Variants in DNAH3 observed in about 807,000 individuals in gnomAD.
The protein encoded by DNAH3 is dynein axonemal heavy chain 3.
A neutral mutation model predicts 432.5 loss-of-function variants in DNAH3; 332 were observed. The observed-to-expected ratio is 0.77, with a 90% CI of 0.70 to 0.84. The LOEUF is 0.84. Ranked by LOEUF, DNAH3 falls within the 40% of genes least tolerant of loss-of-function variation. The pLI, the probability that DNAH3 is intolerant of heterozygous loss-of-function variation, is 0.00. For missense variants in DNAH3, 4,861 were observed against 5,114.0 expected (o/e 0.95, Z 1.51); for synonymous variants, 1,956 against 1,900.2 (o/e 1.03, Z -0.76).
chr16:20,967,091 G>A (rs2085098389), intron 52 of DNAH3, among the ~76,000 whole-genome samples: 1 of 152,170 alleles, frequency 6.6e-6, no homozygotes, highest in Non-Finnish European at 1.5e-5. Context: ...ATTGAGTACA[G>A]CAGGTCAAAT....
chr16:20,989,906 G>A (rs897607865), intron 44 of DNAH3, among the ~76,000 whole-genome samples: 2 of 152,180 alleles, frequency 1.3e-5, no homozygotes, highest in Non-Finnish European at 1.5e-5. Context: ...TCATTGCCCG[G>A]GGCCGGCAGG....
At chr16:21,135,609 C>T (rs184028509) in intron 6 of DNAH3, among the ~76,000 whole-genome samples, 4 of 152,150 alleles carry the variant, frequency 2.6e-5, no homozygotes, top group African/African-American at 4.8e-5. Flanking sequence ...AGGAGAATTG[C>T]GTGAACCCAG....
chr16:21,100,702 C>T (rs1394675244), intron 16 of DNAH3, among the ~76,000 whole-genome samples: 1 of 152,154 alleles, frequency 6.6e-6, no homozygotes, highest in African/African-American at 2.4e-5. Context: ...TCCAGAACCA[C>T]GGAACCTACC....
At chr16:21,154,643 A>G (rs1399664664) in intron 1 of DNAH3, among the ~76,000 whole-genome samples, 1 of 152,194 alleles carries the variant, frequency 6.6e-6, no homozygotes, top group Non-Finnish European at 1.5e-5. Flanking sequence ...GAATATAAAT[A>G]TCAGTATTTT....
chr16:20,988,147 T>C (rs1455169633), intron 44 of DNAH3, 82 bp from the exon 45 acceptor site: 12 of 1,563,412 alleles, frequency 7.7e-6, no homozygotes, highest in Admixed American at 3.5e-5. Flanking sequence ...GCACACGAGG[T>C]GGCTTTGCCT....
At chr16:21,117,980 GTTTT>G (rs58911431) in intron 11 of DNAH3, among the ~76,000 whole-genome samples, 12 of 151,060 alleles carry the variant, frequency 7.9e-5, no homozygotes, top group Non-Finnish European at 1.6e-4. Flanking sequence ...TCTCTCGTGG[GTTTT>G]TTTTTGTTTT....
Position 21,031,163 on chromosome 16 carries a change from T to C in DNAH3, c.5321A>G (p.Asn1774Ser), listed in dbSNP as rs758723153. ...TGAAGACGCTTGCTCCCGGAAAGCATTGGCAAGGACACCATCCATCCACTC... is the reference window on the plus strand; with the variant it reads ...TGAAGACGCTTGCTCCCGGAAAGCACTGGCAAGGACACCATCCATCCACTC... The change falls in exon 37 of 62, where the codon AAT becomes AGT. Residue 1774 changes from asparagine to serine, a missense_variant. Physicochemically the swap from Asn to Ser is conservative, Grantham distance 46. Coordinates refer to ENST00000261383, the Ensembl canonical transcript of DNAH3. 58 of 1,613,994 alleles carry C rather than the reference T, an allele frequency of 3.6e-5. No homozygotes were observed. The highest frequency in any genetic ancestry group is 8.9e-5 in the East Asian group (4 of 44,888).
At chr16:21,101,047 TC>T (rs1328146042) in intron 16 of DNAH3, among the ~76,000 whole-genome samples, 1 of 152,168 alleles carries the variant, frequency 6.6e-6, no homozygotes, top group Non-Finnish European at 1.5e-5. Context: ...TGGGGTTACA[TC>T]CCTATAAACC....
exon 1 of DNAH3, chr16:21,159,325 C>T: frequency 6.2e-6 from 10 of 1,613,814 alleles, no homozygotes; most frequent in Non-Finnish European, 5.1e-6. Flanking sequence ...CCCTCTCCAC[C>T]TGCATTTCAC....
At chr16:20,979,532 C>T in exon 50 of DNAH3, 2 of 1,614,042 alleles carry the variant, frequency 1.2e-6, no homozygotes, top group Non-Finnish European at 1.7e-6. Flanking sequence ...GAAATATTTG[C>T]ACATGGACAC....
chr16:21,141,519 C>T, intron 3 of DNAH3, 147 bp from the exon 5 acceptor site: 1 of 609,880 alleles, frequency 1.6e-6, no homozygotes, highest in Admixed American at 3.0e-5. Flanking sequence ...GATGTGGGCT[C>T]AGGTCTCATG....
At chr16:20,963,596 G>A (rs1175035811) in exon 53 of DNAH3, 1 of 1,614,012 alleles carries the variant, frequency 6.2e-7, no homozygotes, top group South Asian at 1.1e-5. Context: ...TGCAGTTTGG[G>A]TAAGGCAGAT....
intron 11 of DNAH3, among the ~76,000 whole-genome samples, 197 bp from the exon 12 acceptor site, chr16:21,117,536 C>T (rs1339865009): frequency 1.3e-5 from 2 of 152,146 alleles, no homozygotes; most frequent in Non-Finnish European, 2.9e-5. Context: ...GCCTGGATTA[C>T]TCATCTTTCA....
intron 31 of DNAH3, among the ~76,000 whole-genome samples, chr16:21,048,978 G>C (rs2089839728): frequency 6.6e-6 from 1 of 151,614 alleles, no homozygotes; most frequent in South Asian, 2.1e-4. Context: ...ACAGGTGTGA[G>C]CCACCGCGCT....
intron 18 of DNAH3, among the ~76,000 whole-genome samples, chr16:21,092,620 C>T (rs2091566975): frequency 8.0e-6 from 1 of 125,008 alleles, no homozygotes; most frequent in African/African-American, 3.1e-5. Flanking sequence ...AAATGATAAA[C>T]TAGGAATGAA....
exon 41 of DNAH3, chr16:21,019,772 G>T: frequency 6.2e-7 from 1 of 1,614,146 alleles, no homozygotes; most frequent in South Asian, 1.1e-5. Context: ...TCCACACCAA[G>T]GAAAAGAGAA....
At chr16:20,982,026 A>G (rs1048539613) in intron 49 of DNAH3, among the ~76,000 whole-genome samples, 19 of 148,350 alleles carry the variant, frequency 1.3e-4, no homozygotes, top group Non-Finnish European at 2.2e-4. Context: ...TTAAGTATAT[A>G]TATATAATAA....
chr16:21,106,663 T>G, exon 15 of DNAH3: 1 of 1,504,968 alleles, frequency 6.6e-7, no homozygotes, highest in East Asian at 2.3e-5. Context: ...GTGGCTGTAC[T>G]GATTACAAAT....
chr16:21,000,279 T>C, exon 43 of DNAH3: 1 of 1,614,114 alleles, frequency 6.2e-7, no homozygotes, highest in African/African-American at 1.3e-5. Flanking sequence ...CCTTCCGTCG[T>C]CGATCCAGCT....
Sources: gnomAD v4.1 joint callset for allele counts (sites outside exome capture counted in the v4.1 genomes callset) on GRCh38, gnomAD v4.1.1 for gene constraint, MANE v1.5 for transcripts, NCBI Gene and HGNC (gene_info 2026-07-23, HGNC 2026-07-21) for gene names.